SLC35F4: variants seen among roughly 807,000 people sequenced by gnomAD.
SLC35F4 encodes the protein solute carrier family 35 member F4.
In SLC35F4, 24 loss-of-function variants were observed where a neutral mutation model predicts 44.2. The ratio of observed to expected loss-of-function variants is 0.54; its 90% confidence interval spans 0.39 to 0.76. The LOEUF is 0.76. Ranked by LOEUF, SLC35F4 falls within the 30% of genes least tolerant of loss-of-function variation. The probability of loss-of-function intolerance (pLI) is 0.00; values close to 1 mark genes in which losing one functional copy is unlikely to be tolerated. For synonymous variants in SLC35F4, 238 were observed against 223.6 expected, an observed-to-expected ratio of 1.06 and a Z score of -0.57; for missense variants, 562 against 586.1, an observed-to-expected ratio of 0.96 and a Z score of 0.42.
intron 1 of SLC35F4, among the ~76,000 whole-genome samples, chr14:57,890,981 T>C (rs1011230957): frequency 6.6e-6 from 1 of 152,164 alleles, no homozygotes; most frequent in Non-Finnish European, 1.5e-5. Context: ...TGAAACAGCT[T>C]TCTAGGAAAG....
chr14:57,882,791 T>C (rs879089062), intron 1 of SLC35F4, among the ~76,000 whole-genome samples: 1 of 152,146 alleles, frequency 6.6e-6, no homozygotes, highest in Non-Finnish European at 1.5e-5. Context: ...AGATTAATTT[T>C]TTTTTGCCCA....
intron 1 of SLC35F4, among the ~76,000 whole-genome samples, chr14:57,725,754 C>T (rs2076186531): frequency 1.3e-5 from 2 of 152,268 alleles, no homozygotes; most frequent in African/African-American, 2.4e-5. Flanking sequence ...GGGCAAAGTT[C>T]TCCAGAAGGC....
intron 1 of SLC35F4, among the ~76,000 whole-genome samples, chr14:57,634,785 TGGA>T (rs2140140573): frequency 6.6e-6 from 1 of 152,106 alleles, no homozygotes; most frequent in African/African-American, 2.4e-5. Context: ...CGGACTAGGA[TGGA>T]GGAGAGAGTT....
chr14:57,755,133 A>G (rs563289878), intron 1 of SLC35F4, among the ~76,000 whole-genome samples: 2 of 152,294 alleles, frequency 1.3e-5, no homozygotes, highest in African/African-American at 4.8e-5. Flanking sequence ...CCAGGAGCAG[A>G]CTGGAAAGCC....
chr14:57,959,811 G>A lies in SLC35F4; in HGVS notation n.282+22102C>T, dbSNP rs11847176. On this transcript the variant is annotated intron_variant and non_coding_transcript_variant, in intron 1 of 1. Transcript: ENST00000556568. The stretch of plus-strand genomic sequence containing the variant: ...ATGCCTGGCACAGACAAAGAACCCC[G>A]TAAATGTCAGTTACAATTGCTATGG... Among the ~76,000 whole-genome samples, 545 of 152,266 alleles carry A rather than the reference G, an allele frequency of 3.6e-3. 3 individuals are homozygous for A. The highest frequency in any genetic ancestry group is 0.012 in the African/African-American group (512 of 41,544).
At chr14:57,726,446 CCTT>C (rs763156090) in intron 1 of SLC35F4, among the ~76,000 whole-genome samples, 1 of 152,184 alleles carries the variant, frequency 6.6e-6, no homozygotes, top group Non-Finnish European at 1.5e-5. Context: ...AATACTTCCT[CCTT>C]CTTTTGTTAA....
intron 1 of SLC35F4, among the ~76,000 whole-genome samples, chr14:57,724,373 T>C (rs2076154037): frequency 6.6e-6 from 1 of 152,138 alleles, no homozygotes; most frequent in Admixed American, 6.5e-5. Flanking sequence ...ATAACTACTC[T>C]CCTTTTGAGA....
intron 1 of SLC35F4, among the ~76,000 whole-genome samples, chr14:57,742,076 C>A (rs1364892650): frequency 2.0e-5 from 3 of 152,052 alleles, no homozygotes; most frequent in Non-Finnish European, 2.9e-5. Flanking sequence ...GAAGGAAGCA[C>A]TAAACATGGA....
intron 1 of SLC35F4, among the ~76,000 whole-genome samples, chr14:57,796,466 ACAGT>A (rs1484761201): frequency 1.3e-5 from 2 of 152,218 alleles, no homozygotes; most frequent in Non-Finnish European, 2.9e-5. Flanking sequence ...TTTTATAGTC[ACAGT>A]CAAACAATTG....
chr14:57,798,551 C>T (rs1184869365), intron 1 of SLC35F4, among the ~76,000 whole-genome samples: 1 of 152,212 alleles, frequency 6.6e-6, no homozygotes, highest in Non-Finnish European at 1.5e-5. Context: ...CACATACCAT[C>T]CTGTCATATT....
chr14:57,686,307 T>A (rs1336999159), intron 1 of SLC35F4, among the ~76,000 whole-genome samples: 4 of 152,202 alleles, frequency 2.6e-5, no homozygotes, highest in Non-Finnish European at 5.9e-5. Flanking sequence ...TTGAAATTAA[T>A]TCCTAAAGCT....
At chr14:57,717,988 A>G (rs537976311) in intron 1 of SLC35F4, among the ~76,000 whole-genome samples, 70 of 152,282 alleles carry the variant, frequency 4.6e-4, no homozygotes, top group African/African-American at 1.6e-3. Flanking sequence ...TTTTGTAGCC[A>G]TTAACCATCC....
intron 1 of SLC35F4, among the ~76,000 whole-genome samples, chr14:57,818,374 G>T (rs1566879240): frequency 1.3e-5 from 2 of 152,142 alleles, no homozygotes; most frequent in Admixed American, 6.5e-5. Context: ...ACCAGAGGAT[G>T]CAGTAAGGGG....
intron 1 of SLC35F4, among the ~76,000 whole-genome samples, chr14:57,841,241 G>C (rs1885451964): frequency 6.6e-6 from 1 of 152,190 alleles, no homozygotes; most frequent in Non-Finnish European, 1.5e-5. Context: ...GGTGATGGGG[G>C]AAGAGCCCAG....
Position 57,882,787 on chromosome 14 carries a change from A to AT in SLC35F4, n.282+99125dup, listed in dbSNP as rs957548598. On this transcript the variant is annotated intron_variant and non_coding_transcript_variant, in intron 1 of 1. Coordinates refer to the SLC35F4 transcript ENST00000556568. ...ATGATTTTAAGAATGTGACAGATTA[A>AT]TTTTTTTTTGCCCAAATTCTTCACC... Among the ~76,000 whole-genome samples the AT allele has an allele frequency of 5.4e-3, 817 of 151,314 alleles. 6 individuals carry two copies. The highest frequency in any genetic ancestry group is 0.018 in the African/African-American group (735 of 41,228).
intron 1 of SLC35F4, among the ~76,000 whole-genome samples, chr14:57,621,355 G>A (rs11844973): frequency 0.61 from 91,772 of 151,048 alleles, 30,209 homozygotes; most frequent in Non-Finnish European, 0.74. Context: ...AGCCTGCATC[G>A]CCAAGTCAAT....
At chr14:57,819,021 C>T (rs999842995) in intron 1 of SLC35F4, among the ~76,000 whole-genome samples, 1 of 152,180 alleles carries the variant, frequency 6.6e-6, no homozygotes, top group Non-Finnish European at 1.5e-5. Context: ...ATCCTGCAGA[C>T]ATCCTAACCA....
chr14:57,731,621 C>A (rs1324675315), intron 1 of SLC35F4, among the ~76,000 whole-genome samples: 2 of 152,212 alleles, frequency 1.3e-5, no homozygotes, highest in African/African-American at 2.4e-5. Context: ...GTACCTGTCT[C>A]TCCTAAGTCT....
intron 1 of SLC35F4, among the ~76,000 whole-genome samples, chr14:57,783,366 C>T (rs897316508): frequency 1.3e-5 from 2 of 151,586 alleles, no homozygotes; most frequent in Admixed American, 6.6e-5. Context: ...TGTCTGAACA[C>T]GTTTATAATG....
Sources: allele counts gnomAD v4.1 joint callset (sites outside exome capture counted in the v4.1 genomes callset), GRCh38; gene constraint gnomAD v4.1.1; transcripts MANE v1.5; gene names NCBI Gene and HGNC (gene_info 2026-07-23, HGNC 2026-07-21).